The following RBM42 variants were observed in gnomAD, a reference collection of about 807,000 sequenced individuals.
The protein encoded by RBM42 is RNA binding motif protein 42, also known as RNA-binding protein 42.
Under a neutral mutation model 41.4 loss-of-function variants are expected in RBM42, and 21 were observed. The ratio of observed to expected loss-of-function variants is 0.51; its 90% CI spans 0.36 to 0.73. The LOEUF is 0.73. RBM42 is among the 30% of genes least tolerant of loss of function. The pLI is 0.00. For synonymous variants in RBM42, 272 were observed against 271.2 expected, an observed-to-expected ratio of 1.00 and a Z score of -0.03; for missense variants, 539 against 680.4, an observed-to-expected ratio of 0.79 and a Z score of 2.31.
chr19:35,633,084 T>C lies in RBM42; in HGVS notation c.516T>C (p.Ala172=). The C allele has an allele frequency of 6.2e-7, 1 of 1,612,738 alleles. No individual in the cohort carries two copies. The highest frequency in any genetic ancestry group is 8.5e-7 in the Non-Finnish European group (1 of 1,178,910). The part of the protein sequence containing the change: ...VPHVLQRADS[A]LSSAAAGPRP... ...CCACTAACACCCTGACAGATTCCGC[T>C]CTCTCCTCTGCAGCAGCCGGCCCCC... The change falls in exon 6 of 10, where the codon GCT becomes GCC. Residue 172 remains alanine (A), a synonymous_variant. Transcript: ENST00000262633.
At position 35,634,117 on chromosome 19, in the gene RBM42, G is replaced by C. The variant is rs562606592; in HGVS notation, c.1017+98G>C. ...GACAGACCGGACAGCAGGAGGACCT[G>C]GGGGAGGGAGGCGGACACATGTGCC... is the stretch of plus-strand genomic sequence containing the variant. On this transcript the variant is annotated intron_variant, in intron 7 of 9. Transcript: ENST00000262633. 582 of 1,515,990 alleles carry C rather than the reference G, an allele frequency of 3.8e-4. 1 individual carries two copies. The highest frequency in any genetic ancestry group is 3.7e-3 in the Middle Eastern group (20 of 5,386). 93.9% of individuals were successfully genotyped at this position (1,515,990 alleles called of 1,614,324 possible).
At position 35,637,393 on chromosome 19, in the gene RBM42, G is replaced by GCGGCAGGCA. The variant is rs772732571; in HGVS notation, c.1330+42_1330+43insGGCAGGCAC. ...CCTGGGAACTGCAGGCGCGGCAGGC[G>GCGGCAGGCA]CTGGCCTAAGCCTGACCCGAGCCTG... On this transcript the variant is annotated intron_variant, in intron 9 of 9. Transcript: ENST00000262633. The surrounding 1 kb of genome is among the most constrained non-coding windows in gnomAD (Gnocchi z 7.0). The GCGGCAGGCA allele has an allele frequency of 8.7e-6, 14 of 1,612,758 alleles. No individual in the cohort carries two copies. The East Asian group carries it at 3.1e-4, about 36-fold the overall frequency.
chr19:35,633,183 G>T lies in RBM42; in HGVS notation c.615G>T (p.Met205Ile). 2 of 1,612,556 alleles carry T rather than the reference G, an allele frequency of 1.2e-6. No individual in the cohort carries two copies. Among genetic ancestry groups the T allele is most frequent in the Non-Finnish European group, 8.5e-7 (1 of 1,179,150 alleles). ...TGCCTGGGCCCCCTGGACCACCCATGATGCTGCCACCAATGGCTCGGGCTC... is the reference window on the plus strand; with the variant it reads ...TGCCTGGGCCCCCTGGACCACCCATTATGCTGCCACCAATGGCTCGGGCTC... The part of the protein sequence containing the change: ...PPLPGPPGPP[M>I]MLPPMARAPG... The change falls in exon 6 of 10, where the codon ATG (methionine) becomes ATT (isoleucine). Residue 205 changes from methionine to isoleucine, a missense_variant. By Grantham distance (10) the Met-to-Ile change is conservative. Coordinates refer to ENST00000262633, the MANE Select transcript of RBM42 (RefSeq NM_024321.5).
chr19:35,633,636 A>G (rs1967444445), intron 6 of RBM42, 51 bp from the exon 7 acceptor site: 1 of 1,374,904 alleles, frequency 7.3e-7, no homozygotes, highest in Non-Finnish European at 9.4e-7. Context: ...AGATGACAGT[A>G]AAGTCTGAGC....
chr19:35,633,794 G>A lies in RBM42; in HGVS notation c.792G>A (p.Ala264=), dbSNP rs1404988684. Residue 264 remains alanine, a synonymous_variant, in exon 7 of 10, where the codon GCG becomes GCA. Coordinates refer to ENST00000262633, the MANE Select transcript of RBM42 (RefSeq NM_024321.5). ...AAAAGLEEAS[A]AVAVGAGGAP... Reference sequence around the variant, plus strand: ...CGGCTGGGCTGGAGGAGGCTAGCGCGGCTGTGGCCGTGGGGGCAGGAGGTG... The same window carrying A: ...CGGCTGGGCTGGAGGAGGCTAGCGCAGCTGTGGCCGTGGGGGCAGGAGGTG... 15 of 1,500,408 alleles carry A rather than the reference G, an allele frequency of 1.0e-5. No homozygotes were observed. The highest frequency in any genetic ancestry group is 2.5e-5 in the East Asian group (1 of 40,028). The allele number at this position is 1,500,408 out of a possible 1,614,324, so 92.9% of individuals were successfully genotyped here. A position where few individuals can be genotyped will look rare whatever the true frequency, so the allele number is the denominator to read the frequency against.
In RBM42 at chr19:35,633,152, C is replaced by G. The variant is rs759002671; in HGVS notation, c.584C>G (p.Pro195Arg). The G allele has an allele frequency of 6.3e-7, 1 of 1,576,078 alleles. No individual in the cohort carries two copies. Among genetic ancestry groups the G allele is most frequent in the South Asian group, 1.1e-5 (1 of 90,396 alleles). The change falls in exon 6 of 10, where the codon CCC (proline) becomes CGC (arginine). Residue 195 changes from proline to arginine, a missense_variant. Transcript: ENST00000262633. ...CCCCCTCACCAGGCCCTCGTGGGCC[C>G]CCCTCTGCCTGGGCCCCCTGGACCA... Reference protein sequence around the residue: ...LRPPHQALVGPPLPGPPGPPM... With the variant: ...LRPPHQALVGRPLPGPPGPPM...
rs544096809 is a variant in RBM42 at position 35,631,538 on chromosome 19, C to T, written c.442+133C>T. ...AACTTGATGTTGTCATCCTAAAGCACGAACCTGATCATGTCCTTTCTGATG... is the reference window on the plus strand; with the variant it reads ...AACTTGATGTTGTCATCCTAAAGCATGAACCTGATCATGTCCTTTCTGATG... On this transcript the variant is annotated intron_variant, in intron 4 of 9. Transcript: ENST00000262633. 2.9e-5 allele frequency: 24 copies of T among 835,450 alleles called. No homozygotes were observed. In the South Asian group the frequency reaches 3.3e-4, roughly 11 times the overall value. 51.8% of individuals were successfully genotyped at this position (835,450 alleles called of 1,614,324 possible). A position where few individuals can be genotyped will look rare whatever the true frequency, so the allele number is the denominator to read the frequency against.
Position 35,637,140 on chromosome 19 carries a change from T to G in RBM42, c.1136-18T>G, listed in dbSNP as rs760354452. The stretch of plus-strand genomic sequence containing the variant: ...AAGGCCTCTGCATCCTCTGATGTCA[T>G]CTCTTCCCCATCCCCAGATGACTTC... On this transcript the variant is annotated intron_variant, in intron 8 of 9. Transcript: ENST00000262633. This position sits in a 1 kb window ranked among gnomAD's most constrained non-coding sequence, Gnocchi z 7.0. 1.2e-6 allele frequency: 2 copies of G among 1,601,396 alleles called. No homozygotes were observed. The highest frequency in any genetic ancestry group is 2.2e-5 in the South Asian group (2 of 89,272).
rs1967366962 is a variant in RBM42 at position 35,629,504 on chromosome 19, T to A, written c.129-16T>A. The A allele has an allele frequency of 6.2e-7, 1 of 1,613,880 alleles. No individual in the cohort carries two copies. The highest frequency in any genetic ancestry group is 2.2e-5 in the East Asian group (1 of 44,868). On this transcript the variant is annotated splice_polypyrimidine_tract_variant and intron_variant, in intron 1 of 9. Coordinates refer to ENST00000262633, the MANE Select transcript of RBM42 (RefSeq NM_024321.5). ...GTACGAGGTCCTGAGCGCTGATGTC[T>A]GTTCTACTCCTCCAGGTTTGAGCAG...
intron 2 of RBM42, among the ~76,000 whole-genome samples, chr19:35,630,228 CGCTTGAACCCAGGAA>C (rs1309083220): frequency 1.3e-5 from 2 of 151,736 alleles, no homozygotes; most frequent in African/African-American, 4.8e-5. Flanking sequence ...GCAGGAGAAT[CGCTTGAACCCAGGAA>C]GCGGAGGTTG....
At chr19:35,629,710 A>G in intron 2 of RBM42, 37 bp downstream of exon 2, 1 of 1,609,776 alleles carries the variant, frequency 6.2e-7, no homozygotes, top group Non-Finnish European at 8.5e-7. Context: ...CAGGGAACAC[A>G]ATGCCTCGAA....
At chr19:35,631,600 A>G (rs972971188) in intron 4 of RBM42, 195 bp downstream of exon 4, 9 of 601,362 alleles carry the variant, frequency 1.5e-5, no homozygotes, top group Middle Eastern at 8.2e-4. Context: ...TTGCAAACCA[A>G]CCCTCCTGCT....
Position 35,629,163 on chromosome 19 carries a change from G to A in RBM42, c.10G>A (p.Ala4Thr). 10 of 1,522,724 alleles carry A rather than the reference G, an allele frequency of 6.6e-6. No individual in the cohort carries two copies. The highest frequency in any genetic ancestry group is 8.8e-6 in the Non-Finnish European group (10 of 1,139,716). The allele number at this position is 1,522,724 out of a possible 1,614,324, so 94.3% of individuals were successfully genotyped here. Reference protein sequence around the residue: MAGAGPAPGLPGAG... With the variant: MAGTGPAPGLPGAG... ...AGCGACGACGGCAGCGATGGCTGGG[G>A]CGGGGCCAGCCCCGGGACTCCCGGG... Residue 4 changes from alanine to threonine, a missense_variant, in exon 1 of 10, where the codon GCG (alanine) becomes ACG (threonine). By Grantham distance (58) the Ala-to-Thr change is moderately conservative (BLOSUM62 0). Transcript: ENST00000262633.
intron 2 of RBM42, 64 bp from the exon 3 acceptor site, chr19:35,631,076 T>G: frequency 1.4e-6 from 2 of 1,420,314 alleles, no homozygotes; most frequent in Non-Finnish European, 2.0e-6. Context: ...TCTCTTGGGG[T>G]GAGCTGGCCG....
At chr19:35,635,314 CA>C (rs80100096) in intron 8 of RBM42, among the ~76,000 whole-genome samples, 6,218 of 71,628 alleles carry the variant, frequency 0.087, 148 homozygotes, top group Middle Eastern at 0.21. Flanking sequence ...GACTCCATCT[CA>C]AAAAAAAAAA....
At chr19:35,634,121 G>T in intron 7 of RBM42, 102 bp downstream of exon 7, 1 of 1,518,856 alleles carries the variant, frequency 6.6e-7, no homozygotes, top group East Asian at 2.3e-5. Context: ...GGACCTGGGG[G>T]AGGGAGGCGG....
Position 35,633,131 on chromosome 19 carries a change from C to G in RBM42, c.563C>G (p.Pro188Arg). 1 of 1,592,340 alleles carries G rather than the reference C, an allele frequency of 6.3e-7. No individual in the cohort carries two copies. The highest frequency in any genetic ancestry group is 1.1e-5 in the South Asian group (1 of 90,694). ...AGPRPMALRP[P>R]HQALVGPPLP... ...CCCCGCCCTATGGCCCTACGGCCCC[C>G]TCACCAGGCCCTCGTGGGCCCCCCT... The change falls in exon 6 of 10, where the codon CCT (proline) becomes CGT (arginine). Residue 188 changes from proline (P) to arginine (R), a missense_variant. Physicochemically the swap from Pro to Arg is moderately radical, Grantham distance 103 (BLOSUM62 -2). Coordinates refer to ENST00000262633, the MANE Select transcript of RBM42 (RefSeq NM_024321.5).
At chr19:35,630,735 C>T (rs1164915956) in intron 2 of RBM42, among the ~76,000 whole-genome samples, 1 of 152,110 alleles carries the variant, frequency 6.6e-6, no homozygotes, top group African/African-American at 2.4e-5. Context: ...CACTGCACTC[C>T]AGCCTGGACA....
At chr19:35,631,737 A>G in intron 4 of RBM42, 1 of 369,198 alleles carries the variant, frequency 2.7e-6, no homozygotes, top group East Asian at 6.4e-5. Context: ...CAGAAGTCTC[A>G]GTATCTGCCA....
Sources: allele counts gnomAD v4.1 joint callset (sites outside exome capture counted in the v4.1 genomes callset), GRCh38; gene constraint gnomAD v4.1.1; non-coding constraint Gnocchi (gnomAD v3.1); transcripts MANE v1.5; gene names NCBI Gene and HGNC (gene_info 2026-07-23, HGNC 2026-07-21).